RLN2: variants seen among roughly 807,000 people sequenced by gnomAD.
The protein encoded by RLN2 is relaxin 2.
Under a neutral mutation model 7.3 loss-of-function variants are expected in RLN2, and 10 were observed. The ratio of observed to expected loss-of-function variants is 1.36; its 90% CI spans 0.84 to 2.31. The LOEUF is 2.31. Among genes scored for constraint, RLN2 ranks in the 30% most tolerant of loss-of-function variants. The pLI is 0.00. For synonymous variants in RLN2, 103 were observed against 82.3 expected, an observed-to-expected ratio of 1.25 and a Z score of -1.36; for missense variants, 298 against 217.6, an observed-to-expected ratio of 1.37 and a Z score of -2.32.
chr9:5,329,388 T>C, the RLN2 span, among the ~76,000 whole-genome samples: 1 of 147,304 alleles, frequency 6.8e-6, no homozygotes, highest in Non-Finnish European at 1.5e-5. Flanking sequence ...AATGATGGGA[T>C]CAAATTTAAA....
the RLN2 span, among the ~76,000 whole-genome samples, chr9:5,316,265 G>T: frequency 6.6e-6 from 1 of 151,624 alleles, no homozygotes; most frequent in South Asian, 2.1e-4. Flanking sequence ...ACTTTCTTCT[G>T]CTTTTTTGTT....
At chr9:5,333,135 C>G in the RLN2 span, among the ~76,000 whole-genome samples, 1 of 151,934 alleles carries the variant, frequency 6.6e-6, no homozygotes, top group South Asian at 2.1e-4. Flanking sequence ...GACTACAAAA[C>G]AAAATGGTGG....
In RLN2 at chr9:5,300,539, T is replaced by G. The variant is rs1816096923; in HGVS notation, c.212-95A>C. 54 of 775,896 alleles carry G rather than the reference T, an allele frequency of 7.0e-5. 3 individuals are homozygous for G. The South Asian group carries it at 9.9e-4, about 14-fold the overall frequency. The allele number at this position is 775,896 out of a possible 1,614,324, so 48.1% of individuals were successfully genotyped here. ...AATGTTTGCATAGACAAAAAAGCAT[T>G]GCCTCAGTATAAATTAAACATTGAA... is the stretch of plus-strand genomic sequence containing the variant. On this transcript the variant is annotated intron_variant, in intron 1 of 1. Coordinates refer to ENST00000381627, the MANE Select transcript of RLN2 (RefSeq NM_134441.3).
rs1318746573 is a variant in RLN2, at chr9:5,300,028, A to G, written c.*70T>C. ...ATTCTAAGAATTGATGGGACCTGAT[A>G]GAAGCATCAGTGAAATGTCATTAAG... On this transcript the variant is annotated 3_prime_UTR_variant, in exon 2 of 2. Coordinates refer to ENST00000381627, the MANE Select transcript of RLN2 (RefSeq NM_134441.3). 9.5e-6 allele frequency: 9 copies of G among 944,792 alleles called. No individual in the cohort carries two copies. The highest frequency in any genetic ancestry group is 1.4e-5 in the Non-Finnish European group (9 of 622,368). The allele number at this position is 944,792 out of a possible 1,614,324, so 58.5% of individuals were successfully genotyped here.
intron 1 of RLN2, among the ~76,000 whole-genome samples, chr9:5,301,405 T>C (rs1429940580): frequency 6.6e-6 from 1 of 152,208 alleles, no homozygotes; most frequent in African/African-American, 2.4e-5. Context: ...TTAAAAGATA[T>C]AAATTTATTT....
chr9:5,328,555 A>G, the RLN2 span, among the ~76,000 whole-genome samples: 1 of 151,998 alleles, frequency 6.6e-6, no homozygotes, highest in African/African-American at 2.4e-5. Context: ...CAGGAAATAC[A>G]GAGACCACCA....
the RLN2 span, among the ~76,000 whole-genome samples, chr9:5,311,877 C>T: frequency 6.7e-6 from 1 of 149,512 alleles, no homozygotes; most frequent in African/African-American, 2.5e-5. Flanking sequence ...GCACATTGTG[C>T]AGGTTAGTTA....
chr9:5,317,949 C>T, the RLN2 span, among the ~76,000 whole-genome samples: 6 of 151,484 alleles, frequency 4.0e-5, no homozygotes, highest in African/African-American at 9.7e-5. Flanking sequence ...AATGCAAAAT[C>T]GTACGACCCT....
the RLN2 span, among the ~76,000 whole-genome samples, chr9:5,320,480 C>T: frequency 2.6e-5 from 4 of 151,872 alleles, no homozygotes; most frequent in Non-Finnish European, 4.4e-5. Context: ...AAGTGATTCT[C>T]CTGCCTCAGC....
At chr9:5,312,244 GTCT>G in the RLN2 span, among the ~76,000 whole-genome samples, 2 of 151,982 alleles carry the variant, frequency 1.3e-5, no homozygotes, top group Non-Finnish European at 2.9e-5. Context: ...TTCGTTTTAT[GTCT>G]TCTTCTCCCT....
the RLN2 span, among the ~76,000 whole-genome samples, chr9:5,321,581 G>A: frequency 6.6e-6 from 1 of 151,696 alleles, no homozygotes; most frequent in Non-Finnish European, 1.5e-5. Context: ...AAAAAAGGAA[G>A]GAAATAAGGC....
At chr9:5,304,111 G>C in intron 1 of RLN2, 1 of 332,836 alleles carries the variant, frequency 3.0e-6, no homozygotes, top group African/African-American at 8.5e-5. Context: ...GGGCACCAAG[G>C]AACTCTCGGG....
the RLN2 span, among the ~76,000 whole-genome samples, chr9:5,325,884 G>C: frequency 6.6e-6 from 1 of 151,902 alleles, no homozygotes; most frequent in African/African-American, 2.4e-5. Context: ...GCGATGTCAA[G>C]GGAACATCAA....
chr9:5,307,563 C>A (rs1175173295), upstream of RLN2, among the ~76,000 whole-genome samples: 1 of 151,936 alleles, frequency 6.6e-6, no homozygotes. Context: ...AGAAGCCCTG[C>A]CTCCACGGAT....
At chr9:5,336,227 T>C in the RLN2 span, among the ~76,000 whole-genome samples, 1 of 152,066 alleles carries the variant, frequency 6.6e-6, no homozygotes, top group African/African-American at 2.4e-5. Context: ...TAGTATTTTA[T>C]ATGAAAGAGA....
the RLN2 span, among the ~76,000 whole-genome samples, chr9:5,336,716 C>A: frequency 1.3e-5 from 2 of 151,954 alleles, no homozygotes; most frequent in East Asian, 1.9e-4. Context: ...CAGATCAGGT[C>A]TTGCTGCTCT....
chr9:5,318,091 C>G, the RLN2 span, among the ~76,000 whole-genome samples: 2 of 151,836 alleles, frequency 1.3e-5, no homozygotes, highest in Non-Finnish European at 2.9e-5. Flanking sequence ...AGGCTGGTCT[C>G]AAACTTGTGA....
the RLN2 span, among the ~76,000 whole-genome samples, chr9:5,326,572 G>A: frequency 6.6e-6 from 1 of 152,032 alleles, no homozygotes; most frequent in Non-Finnish European, 1.5e-5. Context: ...TGATGGACAA[G>A]GAAGAGCAGG....
At chr9:5,318,569 T>C in the RLN2 span, among the ~76,000 whole-genome samples, 1 of 151,926 alleles carries the variant, frequency 6.6e-6, no homozygotes, top group African/African-American at 2.4e-5. Context: ...TTAACATTAA[T>C]GTTTTTACTC....
Sources: gnomAD v4.1 joint callset for allele counts (sites outside exome capture counted in the v4.1 genomes callset) on GRCh38, gnomAD v4.1.1 for gene constraint, MANE v1.5 for transcripts, NCBI Gene and HGNC (gene_info 2026-07-23, HGNC 2026-07-21) for gene names.